Variants in ZNF143 observed in about 807,000 individuals in gnomAD.
ZNF143 encodes SPH-binding factor.
A neutral mutation model predicts 74.1 loss-of-function variants in ZNF143; 49 were observed. The ratio of observed to expected loss-of-function variants is 0.66; its 90% CI spans 0.53 to 0.84. The LOEUF is 0.84. Among genes scored for constraint, ZNF143 ranks in the 40% least tolerant of loss-of-function variants. The pLI is 0.00. For synonymous variants in ZNF143, 304 were observed against 282.8 expected (o/e 1.07, Z -0.75); for missense variants, 637 against 793.4 (o/e 0.80, Z 2.37).
At chr11:9,461,660 C>T (rs1388715922) in intron 1 of ZNF143, 1 of 151,914 alleles carries the variant, frequency 6.6e-6, no homozygotes, top group Non-Finnish European at 1.5e-5. Flanking sequence ...AAAAAGGTTA[C>T]TGAGGTCTAA....
Position 9,502,940 on chromosome 11 carries a change from C to T in ZNF143, c.1147+1670C>T, listed in dbSNP as rs1262379905. On this transcript the variant is annotated intron_variant, in intron 11 of 15. Coordinates refer to ENST00000396602, the MANE Select transcript of ZNF143 (RefSeq NM_003442.6). ...CCGCCTCCTGGGTTCACACCATTCT[C>T]CTGCCTCAGCCTCCCAAGTAGCTGG... Among the ~76,000 whole-genome samples, 4 of 152,102 alleles carry T rather than the reference C, an allele frequency of 2.6e-5. No homozygotes were observed. In the East Asian group the frequency reaches 5.8e-4, roughly 22 times the overall value.
At chr11:9,506,849 C>T (rs773693455) in intron 11 of ZNF143, among the ~76,000 whole-genome samples, 16 of 151,826 alleles carry the variant, frequency 1.1e-4, no homozygotes, top group Admixed American at 4.6e-4. Context: ...GTCAGATGAC[C>T]CAGGTGAAGC....
intron 7 of ZNF143, among the ~76,000 whole-genome samples, chr11:9,486,586 T>A (rs1025739334): frequency 5.0e-5 from 7 of 140,804 alleles, no homozygotes; most frequent in Non-Finnish European, 4.5e-5. Flanking sequence ...CACAGTAGAA[T>A]GCCATGTAAG....
At chr11:9,492,206 G>C (rs1384178646) in intron 7 of ZNF143, among the ~76,000 whole-genome samples, 1 of 151,460 alleles carries the variant, frequency 6.6e-6, no homozygotes, top group Non-Finnish European at 1.5e-5. Flanking sequence ...TGCCTCCCGG[G>C]TTCAAGCAAT....
chr11:9,478,422 C>T lies in ZNF143; in HGVS notation c.406C>T (p.Gln136Ter). The T allele has an allele frequency of 6.2e-7, 1 of 1,614,104 alleles. No homozygotes were observed. Among genetic ancestry groups the T allele is most frequent in the Non-Finnish European group, 8.5e-7 (1 of 1,180,000 alleles). ...SYDQSALQAV[Q>*]LEDGTTAYIH... is the part of the protein sequence containing the mutation. ...TGACCAGAGTGCATTACAGGCGGTT[C>T]AGCTGGAAGATGGTACCACAGCTTA... is the stretch of plus-strand genomic sequence containing the variant. The change falls in exon 6 of 16, where the codon CAG (glutamine) becomes TAG (stop). Residue 136 changes from glutamine to a stop codon, truncating the protein, a stop_gained. Transcript: ENST00000396602. LOFTEE classifies it high-confidence loss of function.
At chr11:9,507,420 C>A (rs993187830) in intron 11 of ZNF143, among the ~76,000 whole-genome samples, 1 of 152,136 alleles carries the variant, frequency 6.6e-6, no homozygotes, top group Non-Finnish European at 1.5e-5. Flanking sequence ...TACTCATTTG[C>A]TCAGTCTTTT....
chr11:9,476,854 G>A lies in ZNF143; in HGVS notation c.374-1536G>A, dbSNP rs567263389. 9.2e-5 allele frequency among the ~76,000 whole-genome samples: 12 copies of A among 129,742 alleles called. No individual in the cohort carries two copies. The East Asian group carries it at 2.8e-3, about 31-fold the overall frequency. The allele number at this position is 129,742 out of a possible 152,430, so 85.1% of individuals were successfully genotyped here. A position where few individuals can be genotyped will look rare whatever the true frequency, so the allele number is the denominator to read the frequency against. On this transcript the variant is annotated intron_variant, in intron 5 of 15. Transcript: ENST00000396602. ...GGCTCACTGCAAGCTCCGCCTCCTGGGTTCACACCATTCTCCTGCCTCAGC... is the reference window on the plus strand; with the variant it reads ...GGCTCACTGCAAGCTCCGCCTCCTGAGTTCACACCATTCTCCTGCCTCAGC...
intron 5 of ZNF143, 116 bp downstream of exon 5, chr11:9,474,749 T>A: frequency 9.1e-7 from 1 of 1,097,454 alleles, no homozygotes; most frequent in Non-Finnish European, 1.3e-6. Flanking sequence ...ATTTATTCAT[T>A]AAAGTACAAG....
intron 10 of ZNF143, among the ~76,000 whole-genome samples, chr11:9,500,472 C>T (rs1012248534): frequency 5.3e-5 from 8 of 151,498 alleles, no homozygotes; most frequent in Non-Finnish European, 1.0e-4. Flanking sequence ...CTCGCTCTGT[C>T]GCCGAGGCTG....
intron 5 of ZNF143, among the ~76,000 whole-genome samples, chr11:9,476,913 C>T (rs1856941570): frequency 6.6e-6 from 1 of 150,958 alleles, no homozygotes. Context: ...GCACCCACCA[C>T]CATGCCCGGC....
At chr11:9,509,435 C>A (rs888445022) in intron 12 of ZNF143, among the ~76,000 whole-genome samples, 5 of 152,026 alleles carry the variant, frequency 3.3e-5, no homozygotes, top group African/African-American at 4.8e-5. Flanking sequence ...TTTCAGTAAA[C>A]CCTTGGAAAA....
At chr11:9,508,987 T>C in intron 12 of ZNF143, 141 bp downstream of exon 12, 2 of 921,516 alleles carry the variant, frequency 2.2e-6, no homozygotes, top group Non-Finnish European at 3.2e-6. Flanking sequence ...CTGCAGTAAG[T>C]GCTATTGAAG....
chr11:9,519,215 A>AT (rs35448513), intron 14 of ZNF143, among the ~76,000 whole-genome samples: 2,729 of 146,524 alleles, frequency 0.019, 26 homozygotes, highest in Middle Eastern at 0.032. Context: ...AGTTTTGCCT[A>AT]TTTTTTTTTT....
At chr11:9,525,621 C>G in intron 15 of ZNF143, 1 of 540,380 alleles carries the variant, frequency 1.9e-6, no homozygotes, top group East Asian at 3.5e-5. Flanking sequence ...AAAAAACCTT[C>G]AGGTATATAT....
In ZNF143 at chr11:9,528,488, A is replaced by T. The variant is rs908553661; in HGVS notation, c.*875A>T. 2.6e-5 allele frequency: 4 copies of T among 151,806 alleles called. No individual in the cohort carries two copies. Among genetic ancestry groups the T allele is most frequent in the African/African-American group, 9.7e-5 (4 of 41,314 alleles). 9.4% of individuals were successfully genotyped at this position (151,806 alleles called of 1,614,324 possible). On this transcript the variant is annotated 3_prime_UTR_variant, in exon 16 of 16. Transcript: ENST00000396602. ...TTAAAGCTTATTTACCCCAAAGTTT[A>T]TTATTAATTTTGAATACAGCAATTT...
rs1565039609 is a variant in ZNF143, at chr11:9,486,452, T to TATATA, written c.645+6908_645+6909insATAAT. The stretch of plus-strand genomic sequence containing the variant: ...TATTATATATATAATATATTATATA[T>TATATA]ATTATATATATATAAAAGCCCTGTT... On this transcript the variant is annotated intron_variant, in intron 7 of 15. Coordinates refer to ENST00000396602, the MANE Select transcript of ZNF143 (RefSeq NM_003442.6). Among the ~76,000 whole-genome samples, 644 of 67,912 alleles carry TATATA rather than the reference T, an allele frequency of 9.5e-3. 43 individuals are homozygous for TATATA. Among genetic ancestry groups the TATATA allele is most frequent in the Non-Finnish European group, 0.015 (508 of 34,366 alleles). 44.6% of individuals were successfully genotyped at this position (67,912 alleles called of 152,430 possible).
intron 13 of ZNF143, among the ~76,000 whole-genome samples, chr11:9,513,224 C>G (rs969008789): frequency 3.9e-5 from 6 of 152,182 alleles, no homozygotes; most frequent in African/African-American, 1.4e-4. Context: ...CTTCTTTACC[C>G]TTCTGTGTCT....
At chr11:9,481,522 A>T (rs967142975) in intron 7 of ZNF143, among the ~76,000 whole-genome samples, 1 of 152,156 alleles carries the variant, frequency 6.6e-6, no homozygotes, top group Non-Finnish European at 1.5e-5. Context: ...GGAGTGTTGG[A>T]GTGGCCCAAT....
At chr11:9,519,615 C>T (rs894492334) in intron 14 of ZNF143, among the ~76,000 whole-genome samples, 2 of 152,080 alleles carry the variant, frequency 1.3e-5, no homozygotes, top group African/African-American at 4.8e-5. Context: ...TATACCACAA[C>T]TTGTTGATAT....
Sources: gnomAD v4.1 joint callset for allele counts (sites outside exome capture counted in the v4.1 genomes callset) on GRCh38, gnomAD v4.1.1 for gene constraint, MANE v1.5 for transcripts, NCBI Gene and HGNC (gene_info 2026-07-23, HGNC 2026-07-21) for gene names.